The following TMEM245 variants were observed in gnomAD, a reference collection of about 807,000 sequenced individuals.
The protein encoded by TMEM245 is transmembrane protein 245, also known as protein CG-2.
A neutral mutation model predicts 101.2 loss-of-function variants in TMEM245; 69 were observed. That is an observed-to-expected ratio of 0.68 (90% CI 0.56 to 0.83). The LOEUF (loss-of-function observed/expected upper bound fraction) is 0.83, where lower values mean the gene tolerates loss of function less well. Among genes scored for constraint, TMEM245 ranks in the 40% least tolerant of loss-of-function variants. TMEM245 has a pLI of 0.00. For synonymous variants in TMEM245, 537 were observed against 449.8 expected, an observed-to-expected ratio of 1.19 and a Z score of -2.45; for missense variants, 1,075 against 1,092.8, an observed-to-expected ratio of 0.98 and a Z score of 0.23.
At chr9:109,106,655 G>A in intron 2 of TMEM245, 46 bp from the exon 3 acceptor site, 2 of 1,408,530 alleles carry the variant, frequency 1.4e-6, no homozygotes, top group Non-Finnish European at 2.0e-6. Context: ...TAAAAACCTA[G>A]TACTTGTTTT....
chr9:109,110,914 C>T (rs1406721104), intron 1 of TMEM245, among the ~76,000 whole-genome samples: 1 of 152,104 alleles, frequency 6.6e-6, no homozygotes, highest in East Asian at 1.9e-4. Flanking sequence ...ATGAGTCAGC[C>T]TATGACTAGT....
chr9:109,057,775 G>A (rs17792944), intron 11 of TMEM245, among the ~76,000 whole-genome samples: 19,200 of 151,820 alleles, frequency 0.13, 1,620 homozygotes, highest in Middle Eastern at 0.2. Context: ...AATCAGCTAC[G>A]AACTCCATTT....
At chr9:109,107,898 A>G (rs1426136210) in intron 2 of TMEM245, among the ~76,000 whole-genome samples, 1 of 152,218 alleles carries the variant, frequency 6.6e-6, no homozygotes, top group Non-Finnish European at 1.5e-5. Context: ...TGTGGAAAAG[A>G]GATTTGTCTC....
intron 1 of TMEM245, 47 bp downstream of exon 1, chr9:109,119,288 C>G (rs1290790868): frequency 1.3e-6 from 2 of 1,496,460 alleles, no homozygotes; most frequent in Non-Finnish European, 1.8e-6. Flanking sequence ...CACCCCAGAG[C>G]GCCGGGACCA....
At chr9:109,098,554 CAAAAAAA>C (rs886220898) in intron 3 of TMEM245, among the ~76,000 whole-genome samples, 1 of 136,478 alleles carries the variant, frequency 7.3e-6, no homozygotes, top group Non-Finnish European at 1.6e-5. Flanking sequence ...AATCAGAGTC[CAAAAAAA>C]AAAACAAAAA....
rs1827522787 is a variant in TMEM245, at chr9:109,018,634, T to C, written c.*1826A>G. The C allele has an allele frequency of 6.6e-6, 1 of 152,234 alleles. No individual in the cohort carries two copies. The highest frequency in any genetic ancestry group is 2.4e-5 in the African/African-American group (1 of 41,458). 9.4% of individuals were successfully genotyped at this position (152,234 alleles called of 1,614,324 possible). ...AATAAATTTAAACTAATTATAATTA[T>C]CAGTGACTTCTTAGGGAGATGTTTT... On this transcript the variant is annotated 3_prime_UTR_variant, in exon 18 of 18. Transcript: ENST00000374586.
intron 17 of TMEM245, among the ~76,000 whole-genome samples, chr9:109,026,077 A>C (rs1827782439): frequency 6.6e-6 from 1 of 152,222 alleles, no homozygotes; most frequent in Non-Finnish European, 1.5e-5. Flanking sequence ...GAAAAAGCCA[A>C]GCCCTTTCAG....
chr9:109,104,405 G>T (rs748628232), intron 3 of TMEM245, among the ~76,000 whole-genome samples: 8 of 151,860 alleles, frequency 5.3e-5, no homozygotes, highest in Non-Finnish European at 1.2e-4. Context: ...TGCATCCCAC[G>T]CTCATAAATT....
At chr9:109,110,596 AGTC>A (rs1324204658) in intron 1 of TMEM245, among the ~76,000 whole-genome samples, 2 of 152,170 alleles carry the variant, frequency 1.3e-5, no homozygotes, top group African/African-American at 4.8e-5. Context: ...GTAAATGGAT[AGTC>A]TTCAGAGGTA....
At chr9:109,081,005 C>T (rs138684869) in intron 7 of TMEM245, 62 bp from the exon 8 acceptor site, 4 of 1,069,272 alleles carry the variant, frequency 3.7e-6, no homozygotes, top group African/African-American at 1.6e-5. Context: ...AATACATATA[C>T]TCAATTGTCA....
At chr9:109,050,750 G>A (rs1441957933) in intron 12 of TMEM245, 58 bp from the exon 13 acceptor site, 2 of 1,598,956 alleles carry the variant, frequency 1.3e-6, no homozygotes, top group Admixed American at 1.7e-5. Context: ...AGTTTCTAGA[G>A]CCATCTAGTG....
intron 12 of TMEM245, among the ~76,000 whole-genome samples, chr9:109,054,802 T>C (rs1408286247): frequency 6.6e-6 from 1 of 152,222 alleles, no homozygotes; most frequent in African/African-American, 2.4e-5. Context: ...GTGCAAACTA[T>C]TTAACACCTG....
At chr9:109,091,933 T>C (rs1400212822) in intron 4 of TMEM245, among the ~76,000 whole-genome samples, 1 of 152,108 alleles carries the variant, frequency 6.6e-6, no homozygotes, top group African/African-American at 2.4e-5. Flanking sequence ...TGCCTTCCAT[T>C]AGAAAAAAAT....
At chr9:109,057,550 A>C (rs1425928136) in intron 11 of TMEM245, among the ~76,000 whole-genome samples, 2 of 152,168 alleles carry the variant, frequency 1.3e-5, no homozygotes, top group Non-Finnish European at 2.9e-5. Flanking sequence ...CAGGAGTTTG[A>C]GACCACCCTG....
At chr9:109,057,373 C>A in intron 11 of TMEM245, 51 bp from the exon 12 acceptor site, 2 of 1,587,296 alleles carry the variant, frequency 1.3e-6, no homozygotes, top group South Asian at 1.1e-5. Flanking sequence ...ATCTAAAGAA[C>A]AGAAAGTATA....
chr9:109,087,594 G>C (rs928777833), intron 5 of TMEM245, among the ~76,000 whole-genome samples: 1 of 152,046 alleles, frequency 6.6e-6, no homozygotes, highest in Non-Finnish European at 1.5e-5. Context: ...TGTAGAGTCA[G>C]GGATTATTTT....
chr9:109,073,320 A>G (rs753057176), intron 9 of TMEM245, 36 bp downstream of exon 9: 1 of 1,473,302 alleles, frequency 6.8e-7, no homozygotes, highest in Non-Finnish European at 9.5e-7. Flanking sequence ...AAACTAGGCC[A>G]TTCATCTCTC....
intron 14 of TMEM245, among the ~76,000 whole-genome samples, chr9:109,042,875 T>C (rs556592228): frequency 7.1e-6 from 1 of 141,776 alleles, no homozygotes; most frequent in Admixed American, 7.3e-5. Context: ...AGACTGGGTG[T>C]CAATCTGTCG....
chr9:109,113,953 T>G (rs1039933212), intron 1 of TMEM245, among the ~76,000 whole-genome samples: 19 of 151,960 alleles, frequency 1.3e-4, no homozygotes, highest in African/African-American at 4.4e-4. Context: ...TAGCCGGGCA[T>G]GGTGGCAGGC....
Sources: gnomAD v4.1 joint callset for allele counts (sites outside exome capture counted in the v4.1 genomes callset) on GRCh38, gnomAD v4.1.1 for gene constraint, MANE v1.5 for transcripts, NCBI Gene and HGNC (gene_info 2026-07-23, HGNC 2026-07-21) for gene names.